AUH: variants seen among roughly 807,000 people sequenced by gnomAD.
AUH encodes methylglutaconyl-CoA hydratase, mitochondrial.
In AUH, 29 loss-of-function variants were observed where a neutral mutation model predicts 42.3. The observed-to-expected ratio is 0.69, with a 90% confidence interval of 0.51 to 0.93. The LOEUF is 0.93. Ranked by LOEUF, AUH falls within the 40% of genes least tolerant of loss-of-function variation. AUH has a pLI of 0.00. For missense variants in AUH, 452 were observed against 438.1 expected (o/e 1.03, Z -0.28); for synonymous variants, 174 against 166.4 (o/e 1.05, Z -0.35).
At chr9:91,343,420 T>C (rs998024052) in intron 3 of AUH, among the ~76,000 whole-genome samples, 7 of 152,338 alleles carry the variant, frequency 4.6e-5, no homozygotes, top group South Asian at 4.1e-4. Context: ...AAGTGACTAA[T>C]GTTTTGCTAG....
Position 91,276,664 on chromosome 9 carries a change from T to C in AUH, c.655+19357A>G, listed in dbSNP as rs150730465. On this transcript the variant is annotated intron_variant, in intron 6 of 9. Coordinates refer to ENST00000375731, the MANE Select transcript of AUH (RefSeq NM_001698.3). ...AATGCAAGTAATGAAACACTAAACT[T>C]TTTTTAAAAAAGGATCTTTATGTGA... 1.2e-3 allele frequency among the ~76,000 whole-genome samples: 185 copies of C among 152,240 alleles called. 3 individuals carry two copies. The highest frequency in any genetic ancestry group is 6.4e-3 in the East Asian group (33 of 5,182).
intron 6 of AUH, among the ~76,000 whole-genome samples, chr9:91,262,486 CTG>C (rs1268939042): frequency 6.6e-6 from 1 of 152,176 alleles, no homozygotes; most frequent in Non-Finnish European, 1.5e-5. Context: ...GCCCCAAACA[CTG>C]TGACCAGGCT....
chr9:91,259,630 A>G (rs1034486680), intron 6 of AUH, among the ~76,000 whole-genome samples: 1 of 152,066 alleles, frequency 6.6e-6, no homozygotes, highest in Admixed American at 6.5e-5. Context: ...TAATGTTTTC[A>G]TTTTCACTAA....
At chr9:91,218,751 T>C (rs1268424026) in intron 7 of AUH, 1 of 984,226 alleles carries the variant, frequency 1.0e-6, no homozygotes, top group Non-Finnish European at 1.2e-6. Context: ...TAATATATAA[T>C]ACAGATATCA....
chr9:91,297,064 G>A (rs118160018), intron 5 of AUH, among the ~76,000 whole-genome samples: 170 of 152,306 alleles, frequency 1.1e-3, no homozygotes, highest in Middle Eastern at 6.8e-3. Flanking sequence ...GAGGACACAG[G>A]CAGAGCTGAG....
intron 6 of AUH, among the ~76,000 whole-genome samples, chr9:91,292,991 AC>A (rs1364921017): frequency 2.6e-5 from 4 of 152,134 alleles, no homozygotes; most frequent in African/African-American, 9.7e-5. Context: ...TCTTATGGTA[AC>A]CTGTGATCAT....
At chr9:91,235,447 AG>A (rs1162129313) in intron 6 of AUH, among the ~76,000 whole-genome samples, 2 of 152,140 alleles carry the variant, frequency 1.3e-5, no homozygotes, top group African/African-American at 2.4e-5. Flanking sequence ...AGAATGGAGG[AG>A]GGGGAAGCTG....
chr9:91,220,715 TC>T, intron 7 of AUH, 89 bp downstream of exon 7: 1 of 1,435,938 alleles, frequency 7.0e-7, no homozygotes, highest in Non-Finnish European at 9.6e-7. Context: ...GCCAGGGACT[TC>T]TTCCATAGGC....
intron 3 of AUH, among the ~76,000 whole-genome samples, chr9:91,352,486 C>T (rs1832068525): frequency 6.6e-6 from 1 of 151,906 alleles, no homozygotes; most frequent in Non-Finnish European, 1.5e-5. Context: ...TCTCTGTATA[C>T]ATTTTCATAC....
Position 91,278,303 on chromosome 9 carries a change from C to T in AUH, c.655+17718G>A, listed in dbSNP as rs762492203. Among the ~76,000 whole-genome samples, 5 of 152,116 alleles carry T rather than the reference C, an allele frequency of 3.3e-5. No individual in the cohort carries two copies. The East Asian group carries it at 7.7e-4, about 23-fold the overall frequency. The stretch of plus-strand genomic sequence containing the variant: ...ATTCTAGTTTCACAGTGTAATCTTA[C>T]GCGTAGCAAAAAGATTATTTTATAA... On this transcript the variant is annotated intron_variant, in intron 6 of 9. Transcript: ENST00000375731.
At chr9:91,277,697 T>G (rs1187954469) in intron 6 of AUH, among the ~76,000 whole-genome samples, 2 of 152,182 alleles carry the variant, frequency 1.3e-5, no homozygotes, top group Admixed American at 6.5e-5. Flanking sequence ...CCCTATTGTT[T>G]GAATCAAAAT....
At chr9:91,298,132 A>G in intron 4 of AUH, 56 bp from the exon 5 acceptor site, 1 of 1,382,468 alleles carries the variant, frequency 7.2e-7, no homozygotes, top group Non-Finnish European at 1.0e-6. Context: ...CTCACTGTGT[A>G]ATTCATTTTT....
At chr9:91,292,180 C>G (rs1166299703) in intron 6 of AUH, among the ~76,000 whole-genome samples, 2 of 152,018 alleles carry the variant, frequency 1.3e-5, no homozygotes, top group Non-Finnish European at 2.9e-5. Flanking sequence ...GAAACAACAC[C>G]TCTTCAGCTC....
At chr9:91,233,723 G>GT (rs778844888) in intron 6 of AUH, among the ~76,000 whole-genome samples, 15 of 152,182 alleles carry the variant, frequency 9.9e-5, no homozygotes, top group Non-Finnish European at 2.1e-4. Flanking sequence ...TCAATAACAA[G>GT]TAACGCCAGC....
intron 6 of AUH, among the ~76,000 whole-genome samples, chr9:91,232,693 T>C (rs953871155): frequency 1.3e-5 from 2 of 152,192 alleles, no homozygotes; most frequent in Non-Finnish European, 2.9e-5. Context: ...CTTTCTAATG[T>C]GTGAATGCTT....
intron 6 of AUH, among the ~76,000 whole-genome samples, chr9:91,259,296 CTCTT>C (rs1373441437): frequency 6.6e-6 from 1 of 152,128 alleles, no homozygotes; most frequent in Non-Finnish European, 1.5e-5. Context: ...TCATAATATT[CTCTT>C]TCTACTGTTT....
In AUH at chr9:91,214,309, A is replaced by G. The variant is rs1826697781; in HGVS notation, c.*39T>C. 2 of 1,532,828 alleles carry G rather than the reference A, an allele frequency of 1.3e-6. No homozygotes were observed. The highest frequency in any genetic ancestry group is 4.6e-5 in the East Asian group (2 of 43,840). The allele number at this position is 1,532,828 out of a possible 1,614,324, so 95.0% of individuals were successfully genotyped here. Reference sequence around the variant, plus strand: ...GATCCGAAAGACACTTCCAGGAAGTACATTTATTACATTGGCATCTTAAGA... The same window carrying G: ...GATCCGAAAGACACTTCCAGGAAGTGCATTTATTACATTGGCATCTTAAGA... On this transcript the variant is annotated 3_prime_UTR_variant, in exon 10 of 10. Coordinates refer to ENST00000375731, the MANE Select transcript of AUH (RefSeq NM_001698.3).
At chr9:91,326,283 C>T (rs1216548821) in intron 3 of AUH, among the ~76,000 whole-genome samples, 2 of 152,158 alleles carry the variant, frequency 1.3e-5, no homozygotes, top group Non-Finnish European at 2.9e-5. Context: ...TCACACACTT[C>T]CAGGGGAGTG....
At chr9:91,357,736 G>A (rs1177968254) in intron 1 of AUH, among the ~76,000 whole-genome samples, 7 of 152,028 alleles carry the variant, frequency 4.6e-5, no homozygotes, top group Non-Finnish European at 8.8e-5. Flanking sequence ...TGAAGGAGAG[G>A]GGCTGACTGC....
Sources: allele counts gnomAD v4.1 joint callset (sites outside exome capture counted in the v4.1 genomes callset), GRCh38; gene constraint gnomAD v4.1.1; transcripts MANE v1.5; gene names NCBI Gene and HGNC (gene_info 2026-07-23, HGNC 2026-07-21).